The following DTX1 variants were observed in gnomAD, a reference collection of about 807,000 sequenced individuals.
DTX1 encodes the protein deltex E3 ubiquitin ligase 1.
A neutral mutation model predicts 57.8 loss-of-function variants in DTX1; 26 were observed. That is an observed-to-expected ratio of 0.45 (90% CI 0.33 to 0.62). DTX1 has a LOEUF of 0.62. DTX1 is among the 20% of genes least tolerant of loss of function. DTX1 has a pLI of 0.02. For synonymous variants in DTX1, 398 were observed against 394.1 expected, an observed-to-expected ratio of 1.01 and a Z score of -0.12; for missense variants, 704 against 895.3, an observed-to-expected ratio of 0.79 and a Z score of 2.73.
Position 113,058,059 on chromosome 12 carries a change from A to T in DTX1, c.-134A>T, listed in dbSNP as rs1403220039. The T allele has an allele frequency of 7.2e-7, 1 of 1,381,896 alleles. No homozygotes were observed. The highest frequency in any genetic ancestry group is 2.5e-5 in the East Asian group (1 of 39,762). 85.6% of individuals were successfully genotyped at this position (1,381,896 alleles called of 1,614,324 possible). On this transcript the variant is annotated 5_prime_UTR_variant, in exon 2 of 10. Coordinates refer to ENST00000548759, the MANE Select transcript of DTX1 (RefSeq NM_004416.3). ...CGGAGGTCTCTAGGCCTCAGAGAGA[A>T]CCCAGAGTTAGAAAGGAGGCCAGAC...
rs771463239 is a variant in DTX1, at chr12:113,093,600, G to C, written c.1065G>C (p.Lys355Asn). Residue 355 changes from lysine (K) to asparagine (N), a missense_variant, in exon 5 of 10, where the codon AAG (lysine) becomes AAC (asparagine). Lys to Asn is a moderately conservative substitution (Grantham distance 94). Around this residue, in one of 3 missense-constraint regions of DTX1, gnomAD observed 299 missense variants for 311.2 expected, o/e 0.96. Coordinates refer to ENST00000548759, the MANE Select transcript of DTX1 (RefSeq NM_004416.3). This position sits in a 1 kb window ranked among gnomAD's most constrained non-coding sequence, Gnocchi z 4.2. ...GLPVCLTRAP[K>N]PILHPPPVSK... ...CCGTGTGCCTGACGCGGGCCCCCAA[G>C]CCCATCCTGCACCCGCCGCCCGTGA... is the stretch of plus-strand genomic sequence containing the variant. 1.9e-6 allele frequency: 3 copies of C among 1,612,344 alleles called. No individual in the cohort carries two copies. Among genetic ancestry groups the C allele is most frequent in the Non-Finnish European group, 2.5e-6 (3 of 1,179,462 alleles).
intron 2 of DTX1, 46 bp downstream of exon 2, chr12:113,058,497 C>CT: frequency 6.4e-7 from 1 of 1,561,758 alleles, no homozygotes; most frequent in South Asian, 1.2e-5. Flanking sequence ...CGAGCCATCA[C>CT]TACCTTGCAG....
At chr12:113,069,214 C>T (rs1463189486) in intron 2 of DTX1, among the ~76,000 whole-genome samples, 1 of 151,956 alleles carries the variant, frequency 6.6e-6, no homozygotes, top group African/African-American at 2.4e-5. Flanking sequence ...AGGGCTCAGG[C>T]TGTGGAGGAC....
chr12:113,093,123 G>T lies in DTX1; in HGVS notation c.942-39G>T, dbSNP rs927000826. ...CAGGTCCCCTGACGTCGCTTCGGGG[G>T]CTGGAGTCCAGCTGCGGCCTCTTCT... On this transcript the variant is annotated intron_variant, in intron 3 of 9. Coordinates refer to ENST00000548759, the MANE Select transcript of DTX1 (RefSeq NM_004416.3). The surrounding 1 kb of genome is among the most constrained non-coding windows in gnomAD (Gnocchi z 4.2). 7 of 1,562,912 alleles carry T rather than the reference G, an allele frequency of 4.5e-6. No individual in the cohort carries two copies. The Admixed American group carries it at 7.6e-5, about 17-fold the overall frequency.
In DTX1 at chr12:113,058,287, A is replaced by G. The variant is rs968368004; in HGVS notation, c.95A>G (p.Asn32Ser). The G allele has an allele frequency of 6.2e-7, 1 of 1,613,642 alleles. No individual in the cohort carries two copies. Among genetic ancestry groups the G allele is most frequent in the Non-Finnish European group, 8.5e-7 (1 of 1,180,014 alleles). ...VARVVVWEWL[N>S]EHSRWRPYTA... ...CGGGTGGTGGTGTGGGAGTGGCTGA[A>G]TGAGCACAGCCGCTGGCGGCCCTAC... The change falls in exon 2 of 10, where the codon AAT (asparagine) becomes AGT (serine). Residue 32 changes from asparagine (N) to serine (S), a missense_variant. This residue lies in a region of DTX1 where 237 missense variants were observed against 328.6 expected (regional missense o/e 0.72). Transcript: ENST00000548759.
chr12:113,084,616 C>T (rs919358093), intron 3 of DTX1, among the ~76,000 whole-genome samples: 1 of 152,208 alleles, frequency 6.6e-6, no homozygotes, highest in Non-Finnish European at 1.5e-5. Flanking sequence ...AATTCCTGGG[C>T]TCAAGTGATC....
chr12:113,079,039 T>C (rs531812291), intron 3 of DTX1, among the ~76,000 whole-genome samples: 6 of 152,036 alleles, frequency 3.9e-5, no homozygotes, highest in Non-Finnish European at 5.9e-5. Context: ...ACCCAGCTTG[T>C]ATCAAGTTTG....
Position 113,096,902 on chromosome 12 carries a change from C to T in DTX1, c.1826C>T (p.Thr609Ile). The change falls in exon 10 of 10, where the codon ACA becomes ATA. Residue 609 changes from threonine to isoleucine, a missense_variant. Physicochemically the swap from Thr to Ile is moderately conservative, Grantham distance 89. This residue lies in a region of DTX1 where 168 missense variants were observed against 255.6 expected (regional missense o/e 0.66). Transcript: ENST00000548759. Reference protein sequence around the residue: ...SYLDNVLAELTAQGVSEAAAK... With the variant: ...SYLDNVLAELIAQGVSEAAAK... ...CTAGACAACGTGCTGGCTGAGCTCA[C>T]AGCCCAGGGCGTATCCGAGGCTGCA... The T allele has an allele frequency of 3.1e-6, 5 of 1,612,922 alleles. No homozygotes were observed. The highest frequency in any genetic ancestry group is 4.2e-6 in the Non-Finnish European group (5 of 1,180,010).
chr12:113,062,439 T>C (rs1369691378), intron 2 of DTX1, among the ~76,000 whole-genome samples: 1 of 152,212 alleles, frequency 6.6e-6, no homozygotes, highest in Non-Finnish European at 1.5e-5. Flanking sequence ...TCATGAAATA[T>C]TCTTTTTTTT....
At chr12:113,061,867 G>A (rs1213126498) in intron 2 of DTX1, among the ~76,000 whole-genome samples, 2 of 149,458 alleles carry the variant, frequency 1.3e-5, no homozygotes, top group South Asian at 2.1e-4. Flanking sequence ...TACCACACCC[G>A]GCTAATTTTT....
intron 3 of DTX1, among the ~76,000 whole-genome samples, chr12:113,079,516 T>TA: frequency 5.9e-5 from 1 of 16,834 alleles, no homozygotes; most frequent in African/African-American, 2.8e-4. Flanking sequence ...GCCACTTCTC[T>TA]TTTTTTTTTT....
At position 113,093,933 on chromosome 12, in the gene DTX1, C is replaced by G. The variant is rs552565558; in HGVS notation, c.1166-105C>G. The G allele has an allele frequency of 1.2e-5, 18 of 1,507,100 alleles. No homozygotes were observed. The South Asian group carries it at 1.4e-4, about 12-fold the overall frequency. The allele number at this position is 1,507,100 out of a possible 1,614,324, so 93.4% of individuals were successfully genotyped here. On this transcript the variant is annotated intron_variant, in intron 5 of 9. Coordinates refer to ENST00000548759, the MANE Select transcript of DTX1 (RefSeq NM_004416.3). This position sits in a 1 kb window ranked among gnomAD's most constrained non-coding sequence, Gnocchi z 4.2. ...CTTGCCAGCCTGACCCCGGCCAACC[C>G]TTGCCAGCCTGACCCCTGCCCTCTG... is the stretch of plus-strand genomic sequence containing the variant.
chr12:113,077,321 A>AC lies in DTX1; in HGVS notation c.260-97dup, dbSNP rs1286747126. The AC allele has an allele frequency of 4.6e-6, 6 of 1,315,270 alleles. No homozygotes were observed. The highest frequency in any genetic ancestry group is 1.5e-5 in the African/African-American group (1 of 64,776). 81.5% of individuals were successfully genotyped at this position (1,315,270 alleles called of 1,614,324 possible). On this transcript the variant is annotated intron_variant, in intron 2 of 9. Transcript: ENST00000548759. This position sits in a 1 kb window ranked among gnomAD's most constrained non-coding sequence, Gnocchi z 7.8. ...GTGGACCCCCTGGAGGCCTGTGCTGACCCCCCAACCTCCCGCCCACCCTTG... is the reference window on the plus strand; with the variant it reads ...GTGGACCCCCTGGAGGCCTGTGCTGACCCCCCCAACCTCCCGCCCACCCTTG...
rs1261830821 is a variant in DTX1 at position 113,056,758 on chromosome 12, G to C, written c.-931G>C. 4 of 152,052 alleles carry C rather than the reference G, an allele frequency of 2.6e-5. No homozygotes were observed. The highest frequency in any genetic ancestry group is 5.9e-5 in the Non-Finnish European group (4 of 67,994). The allele number at this position is 152,052 out of a possible 1,614,324, so 9.4% of individuals were successfully genotyped here. On this transcript the variant is annotated 5_prime_UTR_variant, in exon 1 of 10. Coordinates refer to ENST00000548759, the MANE Select transcript of DTX1 (RefSeq NM_004416.3). ...CGCGAGATCCCGGCGGCCGCCAGCC[G>C]GCTCCTGCGTCCGTCCGTCGGCCGG...
At chr12:113,088,121 G>A (rs1728053428) in intron 3 of DTX1, among the ~76,000 whole-genome samples, 1 of 152,214 alleles carries the variant, frequency 6.6e-6, no homozygotes, top group Admixed American at 6.5e-5. Context: ...CCCTGACTCG[G>A]AAACTCCAGG....
chr12:113,058,112 G>A lies in DTX1; in HGVS notation c.-81G>A, dbSNP rs1566011628. The A allele has an allele frequency of 1.4e-6, 2 of 1,470,348 alleles. No individual in the cohort carries two copies. The highest frequency in any genetic ancestry group is 1.8e-6 in the Non-Finnish European group (2 of 1,111,990). 91.1% of individuals were successfully genotyped at this position (1,470,348 alleles called of 1,614,324 possible). A position where few individuals can be genotyped will look rare whatever the true frequency, so the allele number is the denominator to read the frequency against. ...TCCTTGCTGTCCCCCTGGGGAGAGA[G>A]GAAGTTGCCGCCTGCTGCCAGGCCC... On this transcript the variant is annotated 5_prime_UTR_variant, in exon 2 of 10. Transcript: ENST00000548759.
Position 113,077,336 on chromosome 12 carries a change from G to A in DTX1, c.260-88G>A, listed in dbSNP as rs2044779356. The A allele has an allele frequency of 6.7e-6, 5 of 751,352 alleles. No homozygotes were observed. Among genetic ancestry groups the A allele is most frequent in the East Asian group, 4.7e-5 (1 of 21,464 alleles). The allele number at this position is 751,352 out of a possible 1,614,324, so 46.5% of individuals were successfully genotyped here. ...GCCTGTGCTGACCCCCCAACCTCCC[G>A]CCCACCCTTGCCTGGCTGTGGCCCG... is the stretch of plus-strand genomic sequence containing the variant. On this transcript the variant is annotated intron_variant, in intron 2 of 9. Transcript: ENST00000548759. The surrounding 1 kb of genome is among the most constrained non-coding windows in gnomAD (Gnocchi z 7.8).
chr12:113,094,158 C>T (rs1013230119), intron 6 of DTX1, 59 bp downstream of exon 6: 7 of 1,474,984 alleles, frequency 4.7e-6, no homozygotes, highest in Admixed American at 4.0e-5. Context: ...CAGGAACCCT[C>T]ACCCCTCCTC....
rs1433412040 is a variant in DTX1, at chr12:113,077,361, G to A, written c.260-63G>A. The A allele has an allele frequency of 5.7e-5, 63 of 1,101,182 alleles. No homozygotes were observed. The highest frequency in any genetic ancestry group is 7.0e-5 in the Non-Finnish European group (58 of 822,836). The allele number at this position is 1,101,182 out of a possible 1,614,324, so 68.2% of individuals were successfully genotyped here. The stretch of plus-strand genomic sequence containing the variant: ...GCCCACCCTTGCCTGGCTGTGGCCC[G>A]CCCTTCCAGCCGCGCAGACCAACGC... On this transcript the variant is annotated intron_variant, in intron 2 of 9. Coordinates refer to ENST00000548759, the MANE Select transcript of DTX1 (RefSeq NM_004416.3). The surrounding 1 kb of genome is among the most constrained non-coding windows in gnomAD (Gnocchi z 7.8).
Sources: allele counts gnomAD v4.1 joint callset (sites outside exome capture counted in the v4.1 genomes callset), GRCh38; gene constraint gnomAD v4.1.1; regional missense constraint gnomAD v4.1.1; non-coding constraint Gnocchi (gnomAD v3.1); transcripts MANE v1.5; gene names NCBI Gene and HGNC (gene_info 2026-07-23, HGNC 2026-07-21).